PDE4D: variants seen among roughly 807,000 people sequenced by gnomAD.
The protein encoded by PDE4D is 3',5'-cyclic-AMP phosphodiesterase 4D.
Under a neutral mutation model 87.4 loss-of-function variants are expected in PDE4D, and 24 were observed. The ratio of observed to expected loss-of-function variants is 0.27; its 90% CI spans 0.20 to 0.39. The LOEUF (loss-of-function observed/expected upper bound fraction) is 0.39, where lower values mean the gene tolerates loss of function less well. PDE4D is among the 10% of genes least tolerant of loss of function. The pLI is 1.00. For synonymous variants in PDE4D, 384 were observed against 383.2 expected (o/e 1.00, Z -0.02); for missense variants, 714 against 1,041.0 (o/e 0.69, Z 4.32).
intron 5 of PDE4D, among the ~76,000 whole-genome samples, chr5:59,043,494 A>G (rs1020114687): frequency 5.9e-5 from 9 of 152,098 alleles, no homozygotes; most frequent in Non-Finnish European, 1.2e-4. Flanking sequence ...CTGCACTCCA[A>G]CCTGGACAAC....
At chr5:60,348,100 G>C (rs1308797878) in intron 1 of PDE4D, among the ~76,000 whole-genome samples, 3 of 149,220 alleles carry the variant, frequency 2.0e-5, no homozygotes, top group African/African-American at 7.4e-5. Flanking sequence ...AATTTGACTT[G>C]TCTCAGTGAA....
intron 1 of PDE4D, among the ~76,000 whole-genome samples, chr5:59,222,092 A>C (rs464787): frequency 0.45 from 68,031 of 151,908 alleles, 16,206 homozygotes; most frequent in African/African-American, 0.6. Context: ...CCAGCCCCCT[A>C]CAAGAAACAA....
chr5:59,705,168 G>A (rs992217031), intron 1 of PDE4D, among the ~76,000 whole-genome samples: 2 of 152,128 alleles, frequency 1.3e-5, no homozygotes, highest in Non-Finnish European at 2.9e-5. Flanking sequence ...TGCTCTTGTG[G>A]CAAGAATATA....
chr5:60,024,677 C>CATTTA (rs1766436586), intron 2 of PDE4D, among the ~76,000 whole-genome samples: 2 of 152,032 alleles, frequency 1.3e-5, no homozygotes, highest in African/African-American at 4.8e-5. Flanking sequence ...ATTTGTAAGT[C>CATTTA]ATATTTTGAT....
At chr5:59,531,109 A>C (rs1199339942) in intron 1 of PDE4D, among the ~76,000 whole-genome samples, 1 of 152,210 alleles carries the variant, frequency 6.6e-6, no homozygotes. Flanking sequence ...GGAGTTTTGA[A>C]ACTTCATCCT....
At chr5:59,686,329 C>A (rs1425696315) in intron 1 of PDE4D, among the ~76,000 whole-genome samples, 1 of 151,990 alleles carries the variant, frequency 6.6e-6, no homozygotes, top group Non-Finnish European at 1.5e-5. Context: ...TATTATTATA[C>A]CTATTGTAAA....
At chr5:59,923,055 T>C (rs1374675263) in intron 3 of PDE4D, among the ~76,000 whole-genome samples, 1 of 152,050 alleles carries the variant, frequency 6.6e-6, no homozygotes, top group Non-Finnish European at 1.5e-5. Flanking sequence ...GAGTAAACAC[T>C]GGCAGTAGCC....
At chr5:60,015,839 C>A (rs975590568) in intron 2 of PDE4D, among the ~76,000 whole-genome samples, 1 of 151,874 alleles carries the variant, frequency 6.6e-6, no homozygotes, top group Middle Eastern at 3.2e-3. Context: ...TCTGCTGGAC[C>A]ATCCTGCACG....
intron 1 of PDE4D, among the ~76,000 whole-genome samples, chr5:59,814,231 A>G (rs573531341): frequency 3.3e-5 from 5 of 152,270 alleles, no homozygotes; most frequent in Non-Finnish European, 7.4e-5. Context: ...GGACACAACC[A>G]TTCCCATTTG....
At chr5:59,650,847 C>G (rs1743337735) in intron 1 of PDE4D, among the ~76,000 whole-genome samples, 1 of 152,006 alleles carries the variant, frequency 6.6e-6, no homozygotes, top group Non-Finnish European at 1.5e-5. Context: ...TGTGCAATAG[C>G]TAAATAAAGA....
chr5:59,659,328 T>C (rs974668945), intron 1 of PDE4D, among the ~76,000 whole-genome samples: 3 of 152,202 alleles, frequency 2.0e-5, no homozygotes, highest in African/African-American at 7.2e-5. Flanking sequence ...AAAATATTGT[T>C]ATGTCACACA....
chr5:59,341,593 T>A (rs932251362), intron 1 of PDE4D, among the ~76,000 whole-genome samples: 3 of 152,206 alleles, frequency 2.0e-5, no homozygotes, highest in African/African-American at 7.2e-5. Flanking sequence ...ACATCCAATT[T>A]TCTTGGCAAA....
intron 1 of PDE4D, among the ~76,000 whole-genome samples, chr5:59,334,637 G>A (rs1050816434): frequency 1.3e-5 from 2 of 151,988 alleles, no homozygotes; most frequent in Admixed American, 1.3e-4. Context: ...TGTTAGTTGT[G>A]AGTATGTACA....
intron 1 of PDE4D, among the ~76,000 whole-genome samples, chr5:59,241,623 T>G (rs1249078375): frequency 6.6e-6 from 1 of 152,182 alleles, no homozygotes; most frequent in Non-Finnish European, 1.5e-5. Context: ...GAGGGTAACT[T>G]TACTTGACGA....
intron 1 of PDE4D, among the ~76,000 whole-genome samples, chr5:59,522,702 A>G (rs1170441352): frequency 6.6e-6 from 1 of 152,226 alleles, no homozygotes; most frequent in Non-Finnish European, 1.5e-5. Context: ...TTTCACATGA[A>G]TGATATACAG....
chr5:60,181,287 T>A lies in PDE4D; in HGVS notation c.42+4270A>T, dbSNP rs1364027929. On this transcript the variant is annotated intron_variant, in intron 2 of 16. Coordinates refer to the PDE4D transcript ENST00000502484. ...TTTCTTAAGAATAAAATCACTTTAG[T>A]TTACCAAGTTTGTACAATTTTTTAA... is the stretch of plus-strand genomic sequence containing the variant. Among the ~76,000 whole-genome samples the A allele has an allele frequency of 2.0e-5, 3 of 152,158 alleles. No homozygotes were observed. In the East Asian group the frequency reaches 5.8e-4, roughly 29 times the overall value.
intron 3 of PDE4D, among the ~76,000 whole-genome samples, chr5:59,933,302 C>T (rs907675919): frequency 2.6e-5 from 4 of 152,116 alleles, no homozygotes; most frequent in Admixed American, 2.6e-4. Flanking sequence ...GTTTTAAAGT[C>T]GTGATTTCCT....
intron 1 of PDE4D, among the ~76,000 whole-genome samples, chr5:59,507,286 C>T (rs190600248): frequency 4.6e-5 from 7 of 151,324 alleles, no homozygotes; most frequent in Non-Finnish European, 7.4e-5. Flanking sequence ...GAGACGAGTT[C>T]GTGCCACTGC....
chr5:60,275,240 C>T (rs889006539), intron 1 of PDE4D, among the ~76,000 whole-genome samples: 5 of 152,102 alleles, frequency 3.3e-5, no homozygotes, highest in Admixed American at 1.3e-4. Flanking sequence ...GGTTGAGAAC[C>T]ACTGGTAAAA....
Sources: allele counts gnomAD v4.1 joint callset (sites outside exome capture counted in the v4.1 genomes callset), GRCh38; gene constraint gnomAD v4.1.1; transcripts MANE v1.5; gene names NCBI Gene and HGNC (gene_info 2026-07-23, HGNC 2026-07-21).